The following SAFB2 variants were observed in gnomAD, a reference collection of about 807,000 sequenced individuals.
SAFB2 encodes scaffold attachment factor B2.
SAFB2 carries 32 observed loss-of-function variants against 100.6 expected under a neutral mutation model. The observed-to-expected ratio is 0.32, with a 90% confidence interval of 0.24 to 0.43. The LOEUF is 0.43. Among genes scored for constraint, SAFB2 ranks in the 20% least tolerant of loss-of-function variants. The pLI is 1.00. For missense variants in SAFB2, 1,185 were observed against 1,163.4 expected (o/e 1.02, Z -0.27); for synonymous variants, 500 against 439.4 (o/e 1.14, Z -1.72).
rs2052959650 is a variant in SAFB2 at position 5,613,675 on chromosome 19, C to T, written c.544-148G>A. On this transcript the variant is annotated intron_variant, in intron 4 of 20. Coordinates refer to ENST00000252542, the MANE Select transcript of SAFB2 (RefSeq NM_014649.3). The stretch of plus-strand genomic sequence containing the variant: ...ACTGTTGGGTCATTCAGTTCAGCAC[C>T]TGCCTCTCCGCCAGAACACACACTC... 10 of 1,458,030 alleles carry T rather than the reference C, an allele frequency of 6.9e-6. No homozygotes were observed. In the South Asian group the frequency reaches 1.3e-4, roughly 19 times the overall value. The allele number at this position is 1,458,030 out of a possible 1,614,324, so 90.3% of individuals were successfully genotyped here. A position where few individuals can be genotyped will look rare whatever the true frequency, so the allele number is the denominator to read the frequency against.
At chr19:5,616,051 T>C (rs1293996408) in intron 4 of SAFB2, 81 bp downstream of exon 4, 4 of 1,312,852 alleles carry the variant, frequency 3.0e-6, no homozygotes, top group Non-Finnish European at 4.3e-6. Flanking sequence ...TTTAGCTGTG[T>C]TCTCCCTCAC....
At chr19:5,610,134 C>T (rs1883761505) in intron 8 of SAFB2, 39 bp from the exon 9 acceptor site, 3 of 1,545,898 alleles carry the variant, frequency 1.9e-6, no homozygotes, top group Non-Finnish European at 1.8e-6. Context: ...CACCCCAAGG[C>T]CTAACAGGAA....
At chr19:5,612,192 C>T (rs1215518492) in intron 6 of SAFB2, 6 of 373,016 alleles carry the variant, frequency 1.6e-5, no homozygotes, top group Non-Finnish European at 2.4e-5. Context: ...CCTGCCTTAA[C>T]TGCGTTAATC....
In SAFB2 at chr19:5,616,346, G is replaced by A. The variant is rs2053030059; in HGVS notation, c.340-11C>T. 6.2e-7 allele frequency: 1 copy of A among 1,613,936 alleles called. No homozygotes were observed. The highest frequency in any genetic ancestry group is 8.5e-7 in the Non-Finnish European group (1 of 1,179,998). ...TGCTTCCATGTCCTCCTGTAAAGAGGAAGAAGAATCGTTAACGACCACCTG... is the reference window on the plus strand; with the variant it reads ...TGCTTCCATGTCCTCCTGTAAAGAGAAAGAAGAATCGTTAACGACCACCTG... On this transcript the variant is annotated splice_polypyrimidine_tract_variant and intron_variant, in intron 3 of 20. Transcript: ENST00000252542.
At chr19:5,616,374 C>T in intron 3 of SAFB2, 39 bp from the exon 4 acceptor site, 3 of 1,613,974 alleles carry the variant, frequency 1.9e-6, no homozygotes, top group Non-Finnish European at 2.5e-6. Flanking sequence ...ACCACCTGGA[C>T]CAGGACAGGG....
intron 18 of SAFB2, among the ~76,000 whole-genome samples, chr19:5,589,544 G>A (rs1343896211): frequency 6.6e-6 from 1 of 152,082 alleles, no homozygotes; most frequent in African/African-American, 2.4e-5. Context: ...GCTCACAGAG[G>A]AAAGCAGGGC....
At chr19:5,592,496 C>T (rs547008363) in intron 16 of SAFB2, among the ~76,000 whole-genome samples, 2 of 151,988 alleles carry the variant, frequency 1.3e-5, no homozygotes, top group African/African-American at 2.4e-5. Context: ...TGCACTCAGG[C>T]CCCTCCTGGC....
At chr19:5,613,554 C>T (rs758656217) in intron 4 of SAFB2, 27 bp from the exon 5 acceptor site, 32 of 1,609,694 alleles carry the variant, frequency 2.0e-5, no homozygotes, top group East Asian at 2.2e-5. Flanking sequence ...AAGATGACTT[C>T]GTGGAGGCTG....
In SAFB2 at chr19:5,594,618, G is replaced by GA. The variant is rs1474521609; in HGVS notation, c.1920-441dup. On this transcript the variant is annotated intron_variant, in intron 14 of 20. Coordinates refer to ENST00000252542, the MANE Select transcript of SAFB2 (RefSeq NM_014649.3). ...ACCTTAGGTGAAAGGTTTCAACAGGGAAGACAGGCCTCAGCACCCAGGCAC... is the reference window on the plus strand; with the variant it reads ...ACCTTAGGTGAAAGGTTTCAACAGGGAAAGACAGGCCTCAGCACCCAGGCAC... Among the ~76,000 whole-genome samples the GA allele has an allele frequency of 7.9e-5, 12 of 152,258 alleles. No individual in the cohort carries two copies. In the East Asian group the frequency reaches 2.3e-3, roughly 29 times the overall value.
At chr19:5,605,911 G>A (rs1157254249) in intron 9 of SAFB2, among the ~76,000 whole-genome samples, 2 of 152,308 alleles carry the variant, frequency 1.3e-5, no homozygotes, top group African/African-American at 4.8e-5. Context: ...GAGTATCAGA[G>A]AGGACACAGC....
At chr19:5,611,985 C>T (rs1335388830) in intron 6 of SAFB2, 2 of 409,208 alleles carry the variant, frequency 4.9e-6, no homozygotes, top group East Asian at 1.1e-4. Flanking sequence ...CATTCAATGA[C>T]AGCTCAACTT....
chr19:5,617,909 A>C (rs901183821), intron 2 of SAFB2, among the ~76,000 whole-genome samples: 5 of 152,224 alleles, frequency 3.3e-5, no homozygotes, highest in Admixed American at 3.3e-4. Flanking sequence ...TGGGAGGCTA[A>C]GGCAGGTGGC....
chr19:5,622,490 C>T (rs1441502379), intron 1 of SAFB2, 40 bp downstream of exon 1: 2 of 1,505,674 alleles, frequency 1.3e-6, no homozygotes, highest in Admixed American at 2.0e-5. Flanking sequence ...GGGGCGTGCC[C>T]GGGCCTCCTG....
At chr19:5,608,019 A>G (rs1418665788) in intron 9 of SAFB2, among the ~76,000 whole-genome samples, 2 of 152,220 alleles carry the variant, frequency 1.3e-5, no homozygotes, top group Non-Finnish European at 2.9e-5. Flanking sequence ...AACCCAAATG[A>G]GAGCAGGCAC....
intron 2 of SAFB2, among the ~76,000 whole-genome samples, chr19:5,618,014 T>G (rs1010979918): frequency 2.0e-5 from 3 of 152,120 alleles, no homozygotes; most frequent in African/African-American, 7.2e-5. Context: ...CATGGTGTTA[T>G]GTACCTGTAC....
chr19:5,620,915 G>C (rs1279237654), intron 2 of SAFB2, among the ~76,000 whole-genome samples: 1 of 152,174 alleles, frequency 6.6e-6, no homozygotes, highest in African/African-American at 2.4e-5. Context: ...TAGCAAAGCT[G>C]AGTTCTATTC....
rs769526433 is a variant in SAFB2 at position 5,616,323 on chromosome 19, C to T, written c.352G>A (p.Ala118Thr). ...ATATTCTGCAGGTTCTCCAGACTTG[C>T]TTCCATGTCCTCCTGTAAAGAGGAA... ...DSRDGQEDME[A>T]SLENLQNMGM... The change falls in exon 4 of 21, where the codon GCA becomes ACA. Residue 118 changes from alanine (A) to threonine (T), a missense_variant. Physicochemically the swap from Ala to Thr is moderately conservative, Grantham distance 58. Coordinates refer to ENST00000252542, the MANE Select transcript of SAFB2 (RefSeq NM_014649.3). The T allele has an allele frequency of 1.4e-5, 23 of 1,614,198 alleles. No homozygotes were observed. The highest frequency in any genetic ancestry group is 1.9e-5 in the Non-Finnish European group (23 of 1,180,046).
At chr19:5,619,267 C>T (rs1217994604) in intron 2 of SAFB2, among the ~76,000 whole-genome samples, 2 of 152,182 alleles carry the variant, frequency 1.3e-5, no homozygotes, top group Non-Finnish European at 2.9e-5. Context: ...GCCTGCAGGG[C>T]CTGAGCACCA....
At chr19:5,613,560 G>A in intron 4 of SAFB2, 33 bp from the exon 5 acceptor site, 26 of 1,605,376 alleles carry the variant, frequency 1.6e-5, no homozygotes, top group Non-Finnish European at 2.2e-5. Flanking sequence ...ACTTCGTGGA[G>A]GCTGGAGCTA....
Sources: allele counts gnomAD v4.1 joint callset (sites outside exome capture counted in the v4.1 genomes callset), GRCh38; gene constraint gnomAD v4.1.1; transcripts MANE v1.5; gene names NCBI Gene and HGNC (gene_info 2026-07-23, HGNC 2026-07-21).